The following ULK4 variants were observed in gnomAD, a reference collection of about 807,000 sequenced individuals.
ULK4 encodes the protein inactive serine/threonine-protein kinase ULK4.
In ULK4, 133 loss-of-function variants were observed where a neutral mutation model predicts 160.6. The observed-to-expected ratio is 0.83, with a 90% CI of 0.72 to 0.96. The LOEUF (loss-of-function observed/expected upper bound fraction) is 0.96. Among genes scored for constraint, ULK4 ranks in the 40% least tolerant of loss-of-function variants. ULK4 has a pLI of 0.00. For synonymous variants in ULK4, 534 were observed against 539.8 expected, an observed-to-expected ratio of 0.99 and a Z score of 0.15; for missense variants, 1,580 against 1,499.5, an observed-to-expected ratio of 1.05 and a Z score of -0.89.
chr3:41,567,281 TA>T (rs2087812763), intron 31 of ULK4, among the ~76,000 whole-genome samples: 1 of 151,878 alleles, frequency 6.6e-6, no homozygotes, highest in South Asian at 2.1e-4. Context: ...AAAAGCATAA[TA>T]AAAAAGTGAA....
intron 32 of ULK4, among the ~76,000 whole-genome samples, chr3:41,493,392 C>T (rs1368343861): frequency 7.1e-6 from 1 of 140,678 alleles, no homozygotes; most frequent in Non-Finnish European, 1.6e-5. Context: ...AGAACAAAGA[C>T]ACAACATACC....
At chr3:41,385,942 T>C (rs1016051708) in intron 35 of ULK4, among the ~76,000 whole-genome samples, 1 of 152,222 alleles carries the variant, frequency 6.6e-6, no homozygotes, top group African/African-American at 2.4e-5. Context: ...CATGAAACTT[T>C]TCAACCTCCT....
chr3:41,935,762 A>G lies in ULK4; in HGVS notation c.378+39T>C, dbSNP rs151234245. 916 of 1,579,724 alleles carry G rather than the reference A, an allele frequency of 5.8e-4. 6 individuals are homozygous for G. In the African/African-American group the frequency reaches 0.011, roughly 19 times the overall value. ...CTTTGAGAAAGCACTCTAATTTGAG[A>G]CAGAAGCAGTTAGAAAATCAAAAAC... On this transcript the variant is annotated intron_variant, in intron 4 of 36. Transcript: ENST00000301831.
intron 8 of ULK4, 44 bp downstream of exon 8, chr3:41,915,933 G>A (rs1352733454): frequency 2.9e-6 from 4 of 1,368,612 alleles, no homozygotes; most frequent in Non-Finnish European, 4.1e-6. Flanking sequence ...TCCATTTGCA[G>A]AACTCAAAAG....
chr3:41,300,579 G>C (rs1228453323), intron 35 of ULK4, among the ~76,000 whole-genome samples: 1 of 151,798 alleles, frequency 6.6e-6, no homozygotes, highest in Non-Finnish European at 1.5e-5. Flanking sequence ...TGACACACCT[G>C]TGTGAACCTT....
At chr3:41,249,197 A>G (rs1404324793) in intron 36 of ULK4, among the ~76,000 whole-genome samples, 1 of 151,726 alleles carries the variant, frequency 6.6e-6, no homozygotes, top group African/African-American at 2.4e-5. Flanking sequence ...CATCCACTCA[A>G]CCTCTTCAGG....
At chr3:41,924,460 GTTC>G (rs1699307859) in intron 5 of ULK4, among the ~76,000 whole-genome samples, 9 of 152,190 alleles carry the variant, frequency 5.9e-5, no homozygotes, top group Admixed American at 5.9e-4. Flanking sequence ...CATAGAGACT[GTTC>G]TTAGATTAAG....
chr3:41,287,081 C>G (rs186356979), intron 35 of ULK4, among the ~76,000 whole-genome samples: 1 of 152,298 alleles, frequency 6.6e-6, no homozygotes, highest in East Asian at 1.9e-4. Flanking sequence ...TGTCAGCAAT[C>G]CTGGCACATC....
At chr3:41,408,569 CAAAATT>C (rs1397816115) in intron 34 of ULK4, among the ~76,000 whole-genome samples, 1 of 151,830 alleles carries the variant, frequency 6.6e-6, no homozygotes, top group African/African-American at 2.4e-5. Context: ...CATTCTCTAT[CAAAATT>C]ATAGTTGTCT....
chr3:41,751,843 C>A lies in ULK4; in HGVS notation c.2321+2518G>T, dbSNP rs537811004. On this transcript the variant is annotated intron_variant, in intron 22 of 36. Coordinates refer to ENST00000301831, the MANE Select transcript of ULK4 (RefSeq NM_017886.4). Reference sequence around the variant, plus strand: ...AGCATCTGAAGGAAGAGATCATAGGCACAGGAAACAGCAACCAAGAAGAGC... The same window carrying A: ...AGCATCTGAAGGAAGAGATCATAGGAACAGGAAACAGCAACCAAGAAGAGC... Among the ~76,000 whole-genome samples the A allele has an allele frequency of 3.9e-5, 6 of 152,274 alleles. No homozygotes were observed. In the East Asian group the frequency reaches 1.2e-3, roughly 29 times the overall value.
intron 22 of ULK4, among the ~76,000 whole-genome samples, chr3:41,732,526 G>A (rs1240998603): frequency 3.3e-5 from 5 of 151,986 alleles, no homozygotes; most frequent in Non-Finnish European, 7.4e-5. Flanking sequence ...TAGAGGGAAG[G>A]TAAATTAGTA....
chr3:41,652,084 T>C (rs186331252), intron 30 of ULK4, among the ~76,000 whole-genome samples: 225 of 152,282 alleles, frequency 1.5e-3, no homozygotes, highest in African/African-American at 5.2e-3. Context: ...AGATGAACAG[T>C]CTCAGTGGAC....
chr3:41,528,633 A>C (rs2086197623), intron 32 of ULK4, among the ~76,000 whole-genome samples: 1 of 152,230 alleles, frequency 6.6e-6, no homozygotes, highest in African/African-American at 2.4e-5. Flanking sequence ...TATGAACATC[A>C]AGACCAGAGA....
intron 32 of ULK4, among the ~76,000 whole-genome samples, chr3:41,495,018 T>C (rs1230679171): frequency 2.0e-5 from 3 of 151,940 alleles, no homozygotes; most frequent in African/African-American, 7.3e-5. Flanking sequence ...AGGTAATTTA[T>C]AGATTCAATG....
Position 41,663,614 on chromosome 3 carries a change from A to G in ULK4, c.3064T>C (p.Phe1022Leu). Residue 1022 changes from phenylalanine to leucine, a missense_variant, in exon 30 of 37, where the codon TTC becomes CTC. Coordinates refer to ENST00000301831, the MANE Select transcript of ULK4 (RefSeq NM_017886.4). ...LVAMTEHNPT[F>L]TRLVEESKLI... The stretch of plus-strand genomic sequence containing the variant: ...AATTTGAACTTCCAGTACCTTGTGA[A>G]AGTTGGGTTGTGTTCAGTCATCGCG... The G allele has an allele frequency of 6.2e-7, 1 of 1,613,654 alleles. No individual in the cohort carries two copies. Among genetic ancestry groups the G allele is most frequent in the Non-Finnish European group, 8.5e-7 (1 of 1,179,616 alleles).
intron 30 of ULK4, among the ~76,000 whole-genome samples, chr3:41,635,263 G>C (rs1483048515): frequency 6.6e-6 from 1 of 152,054 alleles, no homozygotes; most frequent in Non-Finnish European, 1.5e-5. Flanking sequence ...CATTGAAAAG[G>C]CTATCTTGTT....
intron 21 of ULK4, among the ~76,000 whole-genome samples, chr3:41,764,958 G>A (rs2125911758): frequency 6.6e-6 from 1 of 152,152 alleles, no homozygotes; most frequent in East Asian, 1.9e-4. Context: ...CACTGTTGGT[G>A]GGACTGTCAA....
intron 19 of ULK4, among the ~76,000 whole-genome samples, chr3:41,804,322 G>T (rs534411615): frequency 1.1e-3 from 172 of 152,174 alleles, no homozygotes; most frequent in Non-Finnish European, 2.1e-3. Flanking sequence ...CGCCCACTTT[G>T]TGATGGGGTT....
intron 35 of ULK4, among the ~76,000 whole-genome samples, chr3:41,287,173 A>T (rs981853232): frequency 6.6e-6 from 1 of 152,166 alleles, no homozygotes; most frequent in Non-Finnish European, 1.5e-5. Flanking sequence ...CAGGGTAGGA[A>T]CTTAATTTTG....
Sources: allele counts gnomAD v4.1 joint callset (sites outside exome capture counted in the v4.1 genomes callset), GRCh38; gene constraint gnomAD v4.1.1; transcripts MANE v1.5; gene names NCBI Gene and HGNC (gene_info 2026-07-23, HGNC 2026-07-21).